Variants in COLGALT1 observed in about 807,000 individuals in gnomAD.
The protein encoded by COLGALT1 is procollagen galactosyltransferase 1.
A neutral mutation model predicts 60.8 loss-of-function variants in COLGALT1; 43 were observed. The ratio of observed to expected loss-of-function variants is 0.71; its 90% CI spans 0.55 to 0.91. COLGALT1 has a LOEUF of 0.91. COLGALT1 is among the 40% of genes least tolerant of loss of function. The pLI is 0.00. For synonymous variants in COLGALT1, 369 were observed against 374.2 expected, an observed-to-expected ratio of 0.99 and a Z score of 0.16; for missense variants, 845 against 880.0, an observed-to-expected ratio of 0.96 and a Z score of 0.50.
At position 17,577,348 on chromosome 19, in the gene COLGALT1, C is replaced by T; in HGVS notation, c.1027-13C>T. 6.2e-7 allele frequency: 1 copy of T among 1,604,110 alleles called. No homozygotes were observed. The highest frequency in any genetic ancestry group is 8.5e-7 in the Non-Finnish European group (1 of 1,176,482). On this transcript the variant is annotated splice_polypyrimidine_tract_variant and intron_variant, in intron 7 of 11. Transcript: ENST00000252599. ...GCAGGGGCTGATCTGGCTGGGGACT[C>T]TCCGGGCTGCAGGTCTTCATGATCA...
chr19:17,574,225 C>G (rs1285120645), intron 6 of COLGALT1, among the ~76,000 whole-genome samples: 3 of 152,164 alleles, frequency 2.0e-5, no homozygotes, highest in Non-Finnish European at 4.4e-5. Context: ...GGCCTCTGTC[C>G]CGGGGCTCAG....
intron 5 of COLGALT1, 120 bp from the exon 6 acceptor site, chr19:17,572,363 C>A: frequency 1.3e-6 from 2 of 1,483,832 alleles, no homozygotes; most frequent in Non-Finnish European, 1.8e-6. Context: ...AGGCTGGTCT[C>A]AGACACCTGA....
At chr19:17,580,371 C>A in intron 10 of COLGALT1, 1 of 432,768 alleles carries the variant, frequency 2.3e-6, no homozygotes. Context: ...CTGACTGCCC[C>A]CCCATCAGGG....
At chr19:17,556,130 A>G (rs1218597566) in intron 1 of COLGALT1, among the ~76,000 whole-genome samples, 157 bp downstream of exon 1, 1 of 149,984 alleles carries the variant, frequency 6.7e-6, no homozygotes, top group Non-Finnish European at 1.5e-5. Context: ...GGTTCTACGC[A>G]TGCCCCTGCC....
intron 10 of COLGALT1, 169 bp from the exon 11 acceptor site, chr19:17,580,530 C>T (rs565728414): frequency 9.2e-6 from 6 of 653,956 alleles, no homozygotes; most frequent in South Asian, 3.8e-5. Context: ...CCCCCATGAC[C>T]GCCAGACCCC....
chr19:17,578,932 C>T (rs1046430978), intron 9 of COLGALT1, among the ~76,000 whole-genome samples: 11 of 152,068 alleles, frequency 7.2e-5, no homozygotes, highest in South Asian at 2.1e-4. Context: ...ATCACTTGAA[C>T]CCAGGAGGCA....
intron 11 of COLGALT1, 116 bp from the exon 12 acceptor site, chr19:17,581,061 C>T: frequency 7.2e-7 from 1 of 1,392,706 alleles, no homozygotes; most frequent in Non-Finnish European, 9.9e-7. Context: ...ATTTGTATCC[C>T]CTGCACACTT....
Position 17,555,668 on chromosome 19 carries a change from C to T in COLGALT1, c.-46C>T, listed in dbSNP as rs2076205270. Reference sequence around the variant, plus strand: ...CCCTATGACCCCTTTAAGGCGCGGCCAGAGTCCTCCCGCAGAAAAACGACT... The same window carrying T: ...CCCTATGACCCCTTTAAGGCGCGGCTAGAGTCCTCCCGCAGAAAAACGACT... On this transcript the variant is annotated 5_prime_UTR_variant, in exon 1 of 12. Coordinates refer to ENST00000252599, the MANE Select transcript of COLGALT1 (RefSeq NM_024656.4). 6.0e-6 allele frequency: 7 copies of T among 1,175,982 alleles called. No individual in the cohort carries two copies. In the East Asian group the frequency reaches 2.7e-4, roughly 45 times the overall value. The allele number at this position is 1,175,982 out of a possible 1,614,324, so 72.8% of individuals were successfully genotyped here. A position where few individuals can be genotyped will look rare whatever the true frequency, so the allele number is the denominator to read the frequency against.
At chr19:17,579,261 C>T (rs1446071245) in intron 9 of COLGALT1, among the ~76,000 whole-genome samples, 1 of 151,898 alleles carries the variant, frequency 6.6e-6, no homozygotes, top group Non-Finnish European at 1.5e-5. Flanking sequence ...GTGCATGAGG[C>T]GTGGGCATTT....
chr19:17,574,141 T>C (rs2076327782), intron 6 of COLGALT1, among the ~76,000 whole-genome samples: 1 of 152,182 alleles, frequency 6.6e-6, no homozygotes, highest in South Asian at 2.1e-4. Context: ...CGCCCTGCAC[T>C]GGGCGCAGAA....
chr19:17,560,037 AC>A (rs1199893182), intron 2 of COLGALT1, among the ~76,000 whole-genome samples: 1 of 151,674 alleles, frequency 6.6e-6, no homozygotes, highest in Non-Finnish European at 1.5e-5. Flanking sequence ...CGATCCTCCC[AC>A]CTCTGCCTCC....
chr19:17,560,802 G>A (rs113910094), intron 3 of COLGALT1, among the ~76,000 whole-genome samples: 3,748 of 151,690 alleles, frequency 0.025, 152 homozygotes, highest in African/African-American at 0.086. Flanking sequence ...CCGCAATATC[G>A]GCTCACTGCA....
chr19:17,578,154 G>A (rs1431217309), intron 9 of COLGALT1, 65 bp downstream of exon 9: 1 of 1,442,312 alleles, frequency 6.9e-7, no homozygotes, highest in Non-Finnish European at 9.1e-7. Context: ...ATTTGGACGG[G>A]AAAGGGGTTG....
At chr19:17,573,353 C>G (rs2076323605) in intron 6 of COLGALT1, among the ~76,000 whole-genome samples, 1 of 151,956 alleles carries the variant, frequency 6.6e-6, no homozygotes, top group Admixed American at 6.6e-5. Flanking sequence ...TGGTGAAACC[C>G]TGTCTCTACT....
At chr19:17,570,129 G>T (rs1042825138) in intron 5 of COLGALT1, among the ~76,000 whole-genome samples, 3 of 152,202 alleles carry the variant, frequency 2.0e-5, no homozygotes, top group Non-Finnish European at 2.9e-5. Context: ...TCTTGACCTT[G>T]TGATCTGCCC....
At chr19:17,560,286 C>G (rs778526382) in intron 2 of COLGALT1, 62 bp from the exon 3 acceptor site, 145 of 1,397,448 alleles carry the variant, frequency 1.0e-4, no homozygotes, top group Non-Finnish European at 1.3e-4. Flanking sequence ...GAAGGCAGCT[C>G]AGGCCCTCGC....
rs764429704 is a variant in COLGALT1, at chr19:17,560,463, C to G, written c.487C>G (p.Leu163Val). 8.1e-6 allele frequency: 13 copies of G among 1,613,414 alleles called. No homozygotes were observed. In the Middle Eastern group the frequency reaches 4.9e-4, roughly 61 times the overall value. Residue 163 changes from leucine to valine, a missense_variant and splice_region_variant, in exon 3 of 12, where the codon CTG becomes GTG. By Grantham distance (32) the Leu-to-Val change is conservative (BLOSUM62 1). Transcript: ENST00000252599. ...TCGAGACATGTGGGCTGATTACATC[C>G]TGGTAAGTTTCTCAGCCGGCCGGAT... is the stretch of plus-strand genomic sequence containing the variant. ...SARDMWADYILFVDADNLILN... is the reference protein window; with the variant it reads ...SARDMWADYIVFVDADNLILN...
intron 9 of COLGALT1, among the ~76,000 whole-genome samples, chr19:17,579,031 C>G (rs562318226): frequency 6.6e-6 from 1 of 151,074 alleles, no homozygotes; most frequent in Non-Finnish European, 1.5e-5. Context: ...AAATAAAATC[C>G]GGGCGTAGTG....
At chr19:17,575,683 T>A (rs2076336743) in intron 6 of COLGALT1, among the ~76,000 whole-genome samples, 2 of 151,786 alleles carry the variant, frequency 1.3e-5, no homozygotes, top group Admixed American at 1.3e-4. Context: ...CCGGCCTTCT[T>A]TTTTGCTTTT....
Sources: gnomAD v4.1 joint callset for allele counts (sites outside exome capture counted in the v4.1 genomes callset) on GRCh38, gnomAD v4.1.1 for gene constraint, MANE v1.5 for transcripts, NCBI Gene and HGNC (gene_info 2026-07-23, HGNC 2026-07-21) for gene names.